Variants in CNST observed in about 807,000 individuals in gnomAD.
The protein encoded by CNST is consortin.
CNST carries 39 observed loss-of-function variants against 72.4 expected under a neutral mutation model. That is an observed-to-expected ratio of 0.54 (90% CI 0.42 to 0.70). CNST has a LOEUF of 0.70. Among genes scored for constraint, CNST ranks in the 30% least tolerant of loss-of-function variants. The pLI is 0.00. For synonymous variants in CNST, 332 were observed against 320.1 expected (o/e 1.04, Z -0.40); for missense variants, 871 against 868.5 (o/e 1.00, Z -0.04).
rs781305966 is a variant in CNST at position 246,647,956 on chromosome 1, C to G, written c.1755C>G (p.Ser585=). 3 of 1,613,648 alleles carry G rather than the reference C, an allele frequency of 1.9e-6. No individual in the cohort carries two copies. The highest frequency in any genetic ancestry group is 1.1e-5 in the South Asian group (1 of 91,072). ...LLQDLSPEEA[S]YSLQENLPSD... ...AAGATCTCTCTCCTGAAGAAGCATCCTATAGTCTCCAGGAGAATCTGCCTT... is the reference window on the plus strand; with the variant it reads ...AAGATCTCTCTCCTGAAGAAGCATCGTATAGTCTCCAGGAGAATCTGCCTT... The change falls in exon 9 of 11, where the codon TCC becomes TCG. Residue 585 remains serine, a synonymous_variant. Coordinates refer to ENST00000366513, the MANE Select transcript of CNST (RefSeq NM_152609.3).
chr1:246,609,048 T>C (rs1402441328), intron 2 of CNST, among the ~76,000 whole-genome samples: 2 of 152,206 alleles, frequency 1.3e-5, no homozygotes, highest in Non-Finnish European at 2.9e-5. Context: ...TCACTCCCTC[T>C]GCAGGCAGAG....
chr1:246,613,704 C>T (rs1340552484), intron 2 of CNST, among the ~76,000 whole-genome samples: 1 of 1,938 alleles, frequency 5.2e-4, no homozygotes, highest in Non-Finnish European at 1.4e-3. Flanking sequence ...TCCCTCTTCC[C>T]GTCTCCCTCT....
chr1:246,640,532 G>C (rs1202459240), intron 6 of CNST, among the ~76,000 whole-genome samples: 2 of 152,132 alleles, frequency 1.3e-5, no homozygotes, highest in Non-Finnish European at 2.9e-5. Context: ...TGAAGACAAA[G>C]GGAGACAATA....
intron 2 of CNST, 124 bp downstream of exon 2, chr1:246,592,065 C>T (rs1039599747): frequency 2.1e-5 from 15 of 723,000 alleles, no homozygotes; most frequent in Middle Eastern, 7.8e-4. Context: ...GAGCTAGTTC[C>T]GCCGCAGCAC....
intron 8 of CNST, among the ~76,000 whole-genome samples, chr1:246,645,466 C>A (rs562377466): frequency 1.6e-5 from 2 of 126,678 alleles, no homozygotes; most frequent in South Asian, 4.7e-4. Flanking sequence ...CTCGCTCTGT[C>A]GCCCAGGCTG....
At chr1:246,665,090 G>A (rs1667333911) in intron 10 of CNST, among the ~76,000 whole-genome samples, 4 of 152,110 alleles carry the variant, frequency 2.6e-5, no homozygotes, top group Non-Finnish European at 5.9e-5. Flanking sequence ...TGCTGTCGGG[G>A]TGGGCATGCT....
intron 2 of CNST, among the ~76,000 whole-genome samples, chr1:246,613,354 C>A (rs1258940618): frequency 6.6e-6 from 1 of 152,082 alleles, no homozygotes; most frequent in African/African-American, 2.4e-5. Context: ...TGATTCCTGC[C>A]TGCCAGCCTC....
At chr1:246,652,872 C>A (rs1365055213) in intron 9 of CNST, among the ~76,000 whole-genome samples, 2 of 150,426 alleles carry the variant, frequency 1.3e-5, no homozygotes, top group Non-Finnish European at 3.0e-5. Flanking sequence ...GGCGTGGTGG[C>A]GGGCGCCTGT....
intron 2 of CNST, among the ~76,000 whole-genome samples, chr1:246,609,318 T>G (rs1016524775): frequency 1.3e-5 from 2 of 152,174 alleles, no homozygotes; most frequent in Non-Finnish European, 2.9e-5. Context: ...GCTCACGCCT[T>G]TAATGCCAGC....
chr1:246,667,349 A>G lies in CNST; in HGVS notation c.*1444A>G, dbSNP rs749661462. On this transcript the variant is annotated 3_prime_UTR_variant, in exon 11 of 11. Transcript: ENST00000366513. ...GTTGAAAGTGTGTTACTGCGCATGC[A>G]TTTGGTGATTCCAGTGCTAGATATT... 6.6e-6 allele frequency: 1 copy of G among 152,162 alleles called. No individual in the cohort carries two copies. The highest frequency in any genetic ancestry group is 1.5e-5 in the Non-Finnish European group (1 of 68,032). 9.4% of individuals were successfully genotyped at this position (152,162 alleles called of 1,614,324 possible).
At chr1:246,651,562 C>T (rs1666449524) in intron 9 of CNST, among the ~76,000 whole-genome samples, 1 of 152,126 alleles carries the variant, frequency 6.6e-6, no homozygotes, top group African/African-American at 2.4e-5. Context: ...CAGTTGGATT[C>T]ATCAGATCAA....
At chr1:246,619,146 AGAAAAGGG>A in intron 2 of CNST, among the ~76,000 whole-genome samples, 1 of 125,100 alleles carries the variant, frequency 8.0e-6, no homozygotes, top group Non-Finnish European at 1.6e-5. Flanking sequence ...GTGTAGCTAG[AGAAAAGGG>A]AAAAAAAAAA....
At chr1:246,594,350 G>T (rs1047333319) in intron 2 of CNST, among the ~76,000 whole-genome samples, 1 of 152,096 alleles carries the variant, frequency 6.6e-6, no homozygotes, top group Non-Finnish European at 1.5e-5. Flanking sequence ...ATAATACTGT[G>T]AGAAGATATG....
At chr1:246,619,849 C>T (rs1663937782) in intron 2 of CNST, among the ~76,000 whole-genome samples, 4 of 143,418 alleles carry the variant, frequency 2.8e-5, no homozygotes, top group Admixed American at 2.1e-4. Flanking sequence ...CGGCTTCAGT[C>T]ATGGTGCATA....
intron 1 of CNST, among the ~76,000 whole-genome samples, chr1:246,575,440 G>T (rs184419567): frequency 1.6e-4 from 24 of 152,314 alleles, no homozygotes; most frequent in African/African-American, 5.1e-4. Context: ...TTGAAAACAT[G>T]CTGAGTGAAA....
intron 10 of CNST, among the ~76,000 whole-genome samples, chr1:246,661,985 C>T (rs1231611172): frequency 2.0e-5 from 3 of 152,028 alleles, no homozygotes; most frequent in East Asian, 1.9e-4. Flanking sequence ...GGAGGAACCC[C>T]GGATTTGAAA....
intron 5 of CNST, 62 bp from the exon 6 acceptor site, chr1:246,634,411 T>TG (rs201963187): frequency 0.011 from 10,475 of 938,680 alleles, 142 homozygotes; most frequent in Middle Eastern, 0.023. Flanking sequence ...ACTGTTTGTT[T>TG]GTTTTTTTGC....
In CNST at chr1:246,614,125, GT is replaced by G. The variant is rs948140869; in HGVS notation, c.380-7295del. ...AGATTGGAAGTGTTTCATATTTCAGGTTTTTTTTTGATTATGGAATATTCGC... is the reference window on the plus strand; with the variant it reads ...AGATTGGAAGTGTTTCATATTTCAGGTTTTTTTTGATTATGGAATATTCGC... On this transcript the variant is annotated intron_variant, in intron 2 of 10. Coordinates refer to ENST00000366513, the MANE Select transcript of CNST (RefSeq NM_152609.3). Among the ~76,000 whole-genome samples the G allele has an allele frequency of 2.6e-5, 4 of 151,276 alleles. No individual in the cohort carries two copies. In the East Asian group the frequency reaches 5.8e-4, roughly 22 times the overall value.
chr1:246,597,713 G>A (rs916490320), intron 2 of CNST, among the ~76,000 whole-genome samples: 1 of 152,110 alleles, frequency 6.6e-6, no homozygotes, highest in African/African-American at 2.4e-5. Flanking sequence ...GAGTCAGGCT[G>A]GTGTAGTGAG....
Sources: gnomAD v4.1 joint callset for allele counts (sites outside exome capture counted in the v4.1 genomes callset) on GRCh38, gnomAD v4.1.1 for gene constraint, MANE v1.5 for transcripts, NCBI Gene and HGNC (gene_info 2026-07-23, HGNC 2026-07-21) for gene names.